CNOT4: variants seen among roughly 807,000 people sequenced by gnomAD.
CNOT4 encodes the protein CCR4-associated factor 4.
A neutral mutation model predicts 73.8 loss-of-function variants in CNOT4; 8 were observed. That is an observed-to-expected ratio of 0.11 (90% confidence interval 0.06 to 0.20). CNOT4 has a LOEUF of 0.20. Among genes scored for constraint, CNOT4 ranks in the 10% least tolerant of loss-of-function variants. The probability of loss-of-function intolerance (pLI) is 1.00; values close to 1 mark genes in which losing one functional copy is unlikely to be tolerated. For missense variants in CNOT4, 564 were observed against 883.4 expected (o/e 0.64, Z 4.58); for synonymous variants, 293 against 321.1 (o/e 0.91, Z 0.94).
Position 135,363,131 on chromosome 7 carries a change from T to G in CNOT4, c.1896A>C (p.Pro632=), listed in dbSNP as rs376837778. The part of the protein sequence containing the change: ...SLDSLQDDNP[P]HWLKSLQALT... ...GGGCCTGAAGGGATTTTAGCCAGTGTGGAGGATTGTCATCTTGAAGAGAGT... is the reference window on the plus strand; with the variant it reads ...GGGCCTGAAGGGATTTTAGCCAGTGGGGAGGATTGTCATCTTGAAGAGAGT... The change falls in exon 12 of 12, where the codon CCA becomes CCC. Residue 632 remains proline (P), a synonymous_variant. Transcript: ENST00000541284. The surrounding 1 kb of genome is among the most constrained non-coding windows in gnomAD (Gnocchi z 4.3). The G allele has an allele frequency of 4.8e-5, 77 of 1,613,788 alleles. No homozygotes were observed. The highest frequency in any genetic ancestry group is 6.2e-5 in the Non-Finnish European group (73 of 1,180,018).
At chr7:135,419,826 T>C (rs1798078155) in intron 3 of CNOT4, among the ~76,000 whole-genome samples, 1 of 151,576 alleles carries the variant, frequency 6.6e-6, no homozygotes, top group African/African-American at 2.4e-5. Context: ...GTGGATCACT[T>C]GAGGTCAGGA....
In CNOT4 at chr7:135,438,462, A is replaced by G. The variant is rs557423010; in HGVS notation, c.-92-39T>C. The G allele has an allele frequency of 1.1e-4, 66 of 614,642 alleles. No individual in the cohort carries two copies. In the African/African-American group the frequency reaches 1.1e-3, roughly 10 times the overall value. 38.1% of individuals were successfully genotyped at this position (614,642 alleles called of 1,614,324 possible). A position where few individuals can be genotyped will look rare whatever the true frequency, so the allele number is the denominator to read the frequency against. On this transcript the variant is annotated intron_variant, in intron 1 of 11. Transcript: ENST00000541284. ...AACAAAATACATTGTTTACTACTGG[A>G]AAAATGGCACAGTCAACAATTAAGA...
chr7:135,477,624 A>G (rs1216190642), intron 1 of CNOT4, among the ~76,000 whole-genome samples: 1 of 152,220 alleles, frequency 6.6e-6, no homozygotes, highest in Non-Finnish European at 1.5e-5. Context: ...CCATCTTAAT[A>G]GATGCATCTC....
chr7:135,403,189 C>A (rs1372452675), intron 7 of CNOT4, among the ~76,000 whole-genome samples: 1 of 152,122 alleles, frequency 6.6e-6, no homozygotes, highest in East Asian at 1.9e-4. Flanking sequence ...ACCATATATA[C>A]AAATACATAT....
At chr7:135,388,517 T>C in intron 10 of CNOT4, 2 of 1,032,894 alleles carry the variant, frequency 1.9e-6, no homozygotes, top group Non-Finnish European at 2.3e-6. Flanking sequence ...TAATCTCACC[T>C]GGGATCTTAG....
chr7:135,501,286 A>G (rs1803947368), intron 1 of CNOT4, among the ~76,000 whole-genome samples: 1 of 152,066 alleles, frequency 6.6e-6, no homozygotes, highest in Non-Finnish European at 1.5e-5. Context: ...CACCAGGCCT[A>G]CTAAAACTTT....
rs771995836 is a variant in CNOT4 at position 135,395,785 on chromosome 7, A to G, written c.978T>C (p.Phe326=). 2 of 1,613,874 alleles carry G rather than the reference A, an allele frequency of 1.2e-6. No individual in the cohort carries two copies. The highest frequency in any genetic ancestry group is 1.1e-5 in the South Asian group (1 of 91,072). The change falls in exon 9 of 12, where the codon TTT becomes TTC. Residue 326 remains phenylalanine, a synonymous_variant. Transcript: ENST00000541284. ...ACTGTGACTCTGTTACTGCCCCTTCAAAAGGGGACCGTGCACTGTGATTGG... is the reference window on the plus strand; with the variant it reads ...ACTGTGACTCTGTTACTGCCCCTTCGAAAGGGGACCGTGCACTGTGATTGG... ...SSSNHSARSP[F]EGAVTESQSL...
In CNOT4 at chr7:135,362,822, G is replaced by A; in HGVS notation, c.*63C>T. ...GATGAGAAGGGAGCTGTGGGTGGTG[G>A]GCTGAGAGGGAGAAAACAGAGTGGG... is the stretch of plus-strand genomic sequence containing the variant. On this transcript the variant is annotated 3_prime_UTR_variant, in exon 12 of 12. Coordinates refer to ENST00000541284, the MANE Select transcript of CNOT4 (RefSeq NM_001190850.2). 2.1e-6 allele frequency: 3 copies of A among 1,409,668 alleles called. No homozygotes were observed. Among genetic ancestry groups the A allele is most frequent in the Non-Finnish European group, 3.0e-6 (3 of 993,798 alleles). The allele number at this position is 1,409,668 out of a possible 1,614,324, so 87.3% of individuals were successfully genotyped here. A position where few individuals can be genotyped will look rare whatever the true frequency, so the allele number is the denominator to read the frequency against.
At position 135,394,216 on chromosome 7, in the gene CNOT4, A is replaced by T; in HGVS notation, c.1329T>A (p.Thr443=). 1 of 1,614,174 alleles carries T rather than the reference A, an allele frequency of 6.2e-7. No individual in the cohort carries two copies. Among genetic ancestry groups the T allele is most frequent in the South Asian group, 1.1e-5 (1 of 91,088 alleles). ...CAGAGCCTGGACCTTTGGCGGTTGT[A>T]GTGTGTGAAGAGGAGTTCTGAAGAG... ...PTSLQNSSSH[T]TTAKGPGSGF... The change falls in exon 10 of 12, where the codon ACT becomes ACA. Residue 443 remains threonine (T), a synonymous_variant. Transcript: ENST00000541284.
chr7:135,486,250 CA>C (rs759125191), intron 1 of CNOT4, among the ~76,000 whole-genome samples: 4 of 151,856 alleles, frequency 2.6e-5, no homozygotes, highest in African/African-American at 4.8e-5. Flanking sequence ...ACAAAAGACA[CA>C]AACAGACAAT....
At chr7:135,444,303 A>G (rs1047666645) in intron 1 of CNOT4, among the ~76,000 whole-genome samples, 3 of 152,178 alleles carry the variant, frequency 2.0e-5, no homozygotes, top group Non-Finnish European at 2.9e-5. Context: ...ACTTGAACAG[A>G]TACTTGTGCA....
intron 2 of CNOT4, among the ~76,000 whole-genome samples, chr7:135,425,298 G>T (rs1042945664): frequency 7.2e-5 from 11 of 152,192 alleles, no homozygotes; most frequent in Non-Finnish European, 1.5e-4. Context: ...AGTATTCTAT[G>T]AGGTTGTATA....
intron 2 of CNOT4, among the ~76,000 whole-genome samples, chr7:135,425,492 G>A (rs1056705326): frequency 3.9e-5 from 6 of 152,188 alleles, no homozygotes; most frequent in Non-Finnish European, 5.9e-5. Context: ...TAGTCTTTTT[G>A]CTATGTTATT....
rs951751273 is a variant in CNOT4, at chr7:135,509,981, T to C, written c.-185A>G. The C allele has an allele frequency of 2.3e-5, 9 of 398,952 alleles. No homozygotes were observed. The highest frequency in any genetic ancestry group is 3.5e-5 in the Non-Finnish European group (8 of 226,114). The allele number at this position is 398,952 out of a possible 1,614,324, so 24.7% of individuals were successfully genotyped here. On this transcript the variant is annotated 5_prime_UTR_variant, in exon 1 of 12. Coordinates refer to ENST00000541284, the MANE Select transcript of CNOT4 (RefSeq NM_001190850.2). ...CGAACGAGCGTCGGGGAAAAAACTC[T>C]TCAGAACCGGGCCTGATTGCTTCAG...
chr7:135,403,501 C>T lies in CNOT4; in HGVS notation c.822-5275G>A, dbSNP rs139371038. 5.3e-3 allele frequency among the ~76,000 whole-genome samples: 800 copies of T among 152,242 alleles called. 7 individuals carry two copies. The highest frequency in any genetic ancestry group is 0.018 in the African/African-American group (764 of 41,530). On this transcript the variant is annotated intron_variant, in intron 7 of 11. Coordinates refer to ENST00000541284, the MANE Select transcript of CNOT4 (RefSeq NM_001190850.2). Reference sequence around the variant, plus strand: ...GGGTGTAGCACTACGTGCCTATAGTCCTAGTTGCTCAGGAGGCTGAGGCAG... The same window carrying T: ...GGGTGTAGCACTACGTGCCTATAGTTCTAGTTGCTCAGGAGGCTGAGGCAG...
Position 135,504,632 on chromosome 7 carries a change from G to A in CNOT4, c.-93+5257C>T, listed in dbSNP as rs1403256758. Among the ~76,000 whole-genome samples the A allele has an allele frequency of 3.4e-5, 4 of 117,236 alleles. 1 individual carries two copies. The highest frequency in any genetic ancestry group is 7.1e-5 in the Non-Finnish European group (4 of 56,004). The allele number at this position is 117,236 out of a possible 152,430, so 76.9% of individuals were successfully genotyped here. A position where few individuals can be genotyped will look rare whatever the true frequency, so the allele number is the denominator to read the frequency against. On this transcript the variant is annotated intron_variant, in intron 1 of 11. Transcript: ENST00000541284. ...CTCCCAAGTAGCTGGGACTACAGGC[G>A]CCCGCCACTACGCCCGGCTAATTTT...
At chr7:135,457,828 GC>G (rs1212495752) in intron 1 of CNOT4, among the ~76,000 whole-genome samples, 3 of 152,036 alleles carry the variant, frequency 2.0e-5, no homozygotes. Context: ...GATATCAAGA[GC>G]ATATGTATGT....
intron 1 of CNOT4, among the ~76,000 whole-genome samples, chr7:135,488,981 G>A (rs12537757): frequency 0.22 from 33,581 of 151,716 alleles, 4,306 homozygotes; most frequent in East Asian, 0.52. Flanking sequence ...GGACTAAGAA[G>A]GATAAAAACA....
chr7:135,469,191 T>C (rs1420474789), intron 1 of CNOT4, among the ~76,000 whole-genome samples: 2 of 152,098 alleles, frequency 1.3e-5, no homozygotes, highest in South Asian at 2.1e-4. Flanking sequence ...AAATTATTTA[T>C]TGAGTATCTA....
Sources: allele counts gnomAD v4.1 joint callset (sites outside exome capture counted in the v4.1 genomes callset), GRCh38; gene constraint gnomAD v4.1.1; non-coding constraint Gnocchi (gnomAD v3.1); transcripts MANE v1.5; gene names NCBI Gene and HGNC (gene_info 2026-07-23, HGNC 2026-07-21).